Variants in ANK2 observed in about 807,000 individuals in gnomAD.
ANK2 encodes ankyrin-2.
ANK2 carries 83 observed loss-of-function variants against 360.5 expected under a neutral mutation model. That is an observed-to-expected ratio of 0.23 (90% confidence interval 0.19 to 0.28). ANK2 has a LOEUF of 0.28. Ranked by LOEUF, ANK2 falls within the 10% of genes least tolerant of loss-of-function variation. The pLI is 1.00. For missense variants in ANK2, 4,201 were observed against 4,795.7 expected (o/e 0.88, Z 3.66); for synonymous variants, 1,740 against 1,759.5 (o/e 0.99, Z 0.28).
the ANK2 span, among the ~76,000 whole-genome samples, chr4:112,715,246 A>C: frequency 6.6e-6 from 1 of 152,094 alleles, no homozygotes; most frequent in Admixed American, 6.5e-5. Flanking sequence ...AAATTGCGGC[A>C]GAAGTAAAAG....
intron 1 of ANK2, among the ~76,000 whole-genome samples, chr4:112,844,757 T>C (rs1048722891): frequency 2.6e-5 from 4 of 152,094 alleles, no homozygotes; most frequent in African/African-American, 7.2e-5. Context: ...GGGGAGGACA[T>C]TGTTTGGTGT....
intron 1 of ANK2, among the ~76,000 whole-genome samples, chr4:112,889,371 A>G (rs2079296867): frequency 6.6e-6 from 1 of 152,106 alleles, no homozygotes; most frequent in South Asian, 2.1e-4. Flanking sequence ...AATACTATAG[A>G]CTATTATATA....
chr4:112,905,177 C>T lies in ANK2; in HGVS notation c.21+663C>T, dbSNP rs528129301. Among the ~76,000 whole-genome samples, 14 of 152,146 alleles carry T rather than the reference C, an allele frequency of 9.2e-5. No individual in the cohort carries two copies. In the East Asian group the frequency reaches 1.7e-3, roughly 19 times the overall value. On this transcript the variant is annotated intron_variant, in intron 2 of 30. Coordinates refer to the ANK2 transcript ENST00000503271. ...CCGTTTCTTTTCTAGAAGGAATCTA[C>T]GAAATATTGTGAAAATCATCTCATT...
At chr4:112,809,506 A>T in the ANK2 span, among the ~76,000 whole-genome samples, 1 of 146,472 alleles carries the variant, frequency 6.8e-6, no homozygotes, top group Admixed American at 6.9e-5. Context: ...GGTTGCAGTG[A>T]GCCGAGATCT....
intron 1 of ANK2, chr4:112,880,956 A>G (rs2076544259): frequency 6.6e-6 from 1 of 152,222 alleles, no homozygotes; most frequent in Non-Finnish European, 1.5e-5. Flanking sequence ...AATTACATGT[A>G]CAGATAAGCT....
intron 1 of ANK2, among the ~76,000 whole-genome samples, chr4:112,899,017 T>TAGGGA (rs1363650354): frequency 6.6e-6 from 1 of 152,014 alleles, no homozygotes; most frequent in Non-Finnish European, 1.5e-5. Context: ...ACACCTCACT[T>TAGGGA]AGGGAAGGGA....
intron 14 of ANK2, among the ~76,000 whole-genome samples, chr4:113,267,209 A>C (rs1415948677): frequency 6.6e-6 from 1 of 151,932 alleles, no homozygotes; most frequent in Non-Finnish European, 1.5e-5. Context: ...TTGCTTGTTC[A>C]CTCTGATGAT....
At chr4:113,375,397 A>G (rs1417152596) in intron 45 of ANK2, among the ~76,000 whole-genome samples, 1 of 152,210 alleles carries the variant, frequency 6.6e-6, no homozygotes, top group African/African-American at 2.4e-5. Flanking sequence ...AGCATTTACA[A>G]TTACTTAAGT....
At chr4:113,150,934 A>T in intron 1 of ANK2, 1 of 514,942 alleles carries the variant, frequency 1.9e-6, no homozygotes, top group Admixed American at 3.6e-5. Flanking sequence ...ATTAGGTTGT[A>T]GTCTGCATAT....
chr4:113,354,187 G>A lies in ANK2; in HGVS notation c.5569G>A (p.Val1857Met). 6.2e-7 allele frequency: 1 copy of A among 1,613,956 alleles called. No individual in the cohort carries two copies. The highest frequency in any genetic ancestry group is 8.5e-7 in the Non-Finnish European group (1 of 1,179,928). The change falls in exon 38 of 46, where the codon GTG becomes ATG. Residue 1857 changes from valine (V) to methionine (M), a missense_variant. By Grantham distance (21) the Val-to-Met change is conservative. Around this residue, in one of 4 missense-constraint regions of ANK2, gnomAD observed 2,642 missense variants for 2,714.5 expected, o/e 0.97. Coordinates refer to ENST00000357077, the MANE Select transcript of ANK2 (RefSeq NM_001148.6). ...PSSKTEKHSP[V>M]SPSAKTERHS... ...AAGTAAAACTGAGAAACACTCACCT[G>A]TGTCACCCTCTGCAAAAACGGAAAG...
intron 4 of ANK2, 144 bp from the exon 5 acceptor site, chr4:113,232,017 G>C (rs995244712): frequency 1.5e-5 from 10 of 652,682 alleles, no homozygotes; most frequent in Non-Finnish European, 2.5e-5. Context: ...CTGCGATTTT[G>C]TCTAGCTTTA....
chr4:112,737,265 T>A, the ANK2 span, among the ~76,000 whole-genome samples: 4 of 152,248 alleles, frequency 2.6e-5, no homozygotes, highest in Non-Finnish European at 5.9e-5. Flanking sequence ...CACTCTATAA[T>A]GCTTGATTTA....
At chr4:112,818,518 AT>A (rs1488505754) in intron 1 of ANK2, among the ~76,000 whole-genome samples, 1 of 152,138 alleles carries the variant, frequency 6.6e-6, no homozygotes, top group East Asian at 1.9e-4. Flanking sequence ...CGTAGGGCAG[AT>A]TTTTAAGATC....
the ANK2 span, among the ~76,000 whole-genome samples, chr4:112,732,214 A>G: frequency 3.4e-5 from 5 of 148,628 alleles, no homozygotes; most frequent in Admixed American, 3.4e-4. Context: ...TATTATTCCT[A>G]TTTTACAGAT....
intron 4 of ANK2, among the ~76,000 whole-genome samples, chr4:113,214,773 A>G (rs935387156): frequency 1.4e-4 from 22 of 152,160 alleles, no homozygotes; most frequent in African/African-American, 5.3e-4. Context: ...AACTTCAACT[A>G]TATTTTTTAT....
chr4:112,780,488 T>G, the ANK2 span, among the ~76,000 whole-genome samples: 17 of 152,194 alleles, frequency 1.1e-4, no homozygotes, highest in African/African-American at 4.1e-4. Flanking sequence ...ATATGTTGAG[T>G]TAGCTGTAGA....
intron 2 of ANK2, among the ~76,000 whole-genome samples, chr4:113,019,445 A>G (rs1252348817): frequency 6.6e-6 from 1 of 152,070 alleles, no homozygotes; most frequent in Non-Finnish European, 1.5e-5. Flanking sequence ...TAAATCAGGT[A>G]TAATAAAACA....
chr4:113,150,809 A>G (rs1338111703), intron 1 of ANK2, among the ~76,000 whole-genome samples: 1 of 152,184 alleles, frequency 6.6e-6, no homozygotes, highest in Admixed American at 6.5e-5. Flanking sequence ...GGAACCCCCA[A>G]AATTTAGATG....
At chr4:113,162,996 T>C (rs1284622833) in intron 1 of ANK2, among the ~76,000 whole-genome samples, 2 of 152,192 alleles carry the variant, frequency 1.3e-5, no homozygotes, top group African/African-American at 4.8e-5. Context: ...ATAATTTTTT[T>C]CCAGTAGGTT....
Sources: allele counts gnomAD v4.1 joint callset (sites outside exome capture counted in the v4.1 genomes callset), GRCh38; gene constraint gnomAD v4.1.1; regional missense constraint gnomAD v4.1.1; transcripts MANE v1.5; gene names NCBI Gene and HGNC (gene_info 2026-07-23, HGNC 2026-07-21).